Variants in MGMT observed in about 807,000 individuals in gnomAD.
MGMT encodes the protein O-6-methylguanine-DNA methyltransferase.
MGMT carries 14 observed loss-of-function variants against 15.9 expected under a neutral mutation model. The ratio of observed to expected loss-of-function variants is 0.88; its 90% confidence interval spans 0.58 to 1.37. The LOEUF is 1.37. Ranked by LOEUF, MGMT falls within the 40% of genes most tolerant of loss-of-function variation. The pLI is 0.00. For synonymous variants in MGMT, 130 were observed against 118.2 expected, an observed-to-expected ratio of 1.10 and a Z score of -0.65; for missense variants, 282 against 268.1, an observed-to-expected ratio of 1.05 and a Z score of -0.36.
chr10:129,700,050 A>G (rs1342701887), intron 2 of MGMT: 12 of 152,064 alleles, frequency 7.9e-5, no homozygotes, highest in African/African-American at 2.9e-4. Flanking sequence ...TCTTCCTTTC[A>G]TAGTTGAACA....
At position 129,696,552 on chromosome 10, in the gene MGMT, T is replaced by C. The variant is rs1253186017; in HGVS notation, c.126-11343T>C. Reference sequence around the variant, plus strand: ...TTAGAAAATCTTTGTGAGTTTTTCTTCCCCCTAGGGAATGGTTTTCAGCAC... The same window carrying C: ...TTAGAAAATCTTTGTGAGTTTTTCTCCCCCCTAGGGAATGGTTTTCAGCAC... On this transcript the variant is annotated intron_variant, in intron 2 of 4. Transcript: ENST00000651593. Among the ~76,000 whole-genome samples, 4 of 152,216 alleles carry C rather than the reference T, an allele frequency of 2.6e-5. No homozygotes were observed. In the East Asian group the frequency reaches 7.7e-4, roughly 29 times the overall value.
At chr10:129,688,420 T>G (rs1234076638) in intron 2 of MGMT, among the ~76,000 whole-genome samples, 1 of 152,252 alleles carries the variant, frequency 6.6e-6, no homozygotes, top group Non-Finnish European at 1.5e-5. Flanking sequence ...GTGGTTTTGA[T>G]TTGCATTTCT....
rs1054672901 is a variant in MGMT, at chr10:129,533,527, A to G, written c.-12-2714A>G. On this transcript the variant is annotated intron_variant, in intron 1 of 4. Transcript: ENST00000651593. This position sits in a 1 kb window ranked among gnomAD's most constrained non-coding sequence, Gnocchi z 4.5. ...GCCAGTCTGCTGGGAGCTTTGACCC[A>G]CCATCGTGCAGGGCGAGTTTCCAAG... is the stretch of plus-strand genomic sequence containing the variant. 6.6e-6 allele frequency among the ~76,000 whole-genome samples: 1 copy of G among 152,122 alleles called. No homozygotes were observed. Among genetic ancestry groups the G allele is most frequent in the African/African-American group, 2.4e-5 (1 of 41,426 alleles).
intron 3 of MGMT, among the ~76,000 whole-genome samples, chr10:129,741,495 C>G (rs746560657): frequency 6.6e-6 from 1 of 152,064 alleles, no homozygotes; most frequent in Non-Finnish European, 1.5e-5. Context: ...ATGTGGCCCT[C>G]GCACCAAGAA....
intron 2 of MGMT, among the ~76,000 whole-genome samples, chr10:129,571,991 C>T (rs1049098649): frequency 5.9e-5 from 9 of 152,160 alleles, no homozygotes; most frequent in African/African-American, 9.7e-5. Context: ...AGTGACACTC[C>T]GTGGAAGCAT....
chr10:129,518,073 G>A (rs922299374), intron 1 of MGMT, among the ~76,000 whole-genome samples: 5 of 152,002 alleles, frequency 3.3e-5, no homozygotes, highest in African/African-American at 1.2e-4. Context: ...CGTCCTTTGG[G>A]AGGATGTGGG....
chr10:129,475,791 A>G (rs1262210717), intron 1 of MGMT, among the ~76,000 whole-genome samples: 1 of 152,216 alleles, frequency 6.6e-6, no homozygotes, highest in Non-Finnish European at 1.5e-5. Flanking sequence ...CCACTTCTGA[A>G]ATAAGAACTG....
intron 2 of MGMT, among the ~76,000 whole-genome samples, chr10:129,674,520 T>C (rs960250580): frequency 3.3e-5 from 5 of 152,250 alleles, no homozygotes; most frequent in African/African-American, 1.2e-4. Context: ...ACCCCCTTGC[T>C]TATCTTTGAG....
At position 129,495,650 on chromosome 10, in the gene MGMT, G is replaced by A. The variant is rs1405300787; in HGVS notation, c.-13+28354G>A. Among the ~76,000 whole-genome samples, 4 of 152,116 alleles carry A rather than the reference G, an allele frequency of 2.6e-5. No homozygotes were observed. The South Asian group carries it at 6.2e-4, about 24-fold the overall frequency. ...GTTTTGTACAATCATAACCTTACACGATATCACACAAAGGCAGAGAAACGA... is the reference window on the plus strand; with the variant it reads ...GTTTTGTACAATCATAACCTTACACAATATCACACAAAGGCAGAGAAACGA... On this transcript the variant is annotated intron_variant, in intron 1 of 4. Coordinates refer to ENST00000651593, the MANE Select transcript of MGMT (RefSeq NM_002412.5).
chr10:129,566,532 C>T lies in MGMT; in HGVS notation c.125+30155C>T, dbSNP rs951339144. The stretch of plus-strand genomic sequence containing the variant: ...CACTTCCTCCCCGAGCTTCCCATTC[C>T]GTGTCTCTCTGGAGGGCCCATCATC... On this transcript the variant is annotated intron_variant, in intron 2 of 4. Transcript: ENST00000651593. The surrounding 1 kb of genome is among the most constrained non-coding windows in gnomAD (Gnocchi z 4.1). 1.3e-5 allele frequency among the ~76,000 whole-genome samples: 2 copies of T among 152,174 alleles called. No homozygotes were observed. Among genetic ancestry groups the T allele is most frequent in the African/African-American group, 4.8e-5 (2 of 41,446 alleles).
At chr10:129,730,650 T>C (rs545055965) in intron 3 of MGMT, among the ~76,000 whole-genome samples, 4 of 152,186 alleles carry the variant, frequency 2.6e-5, no homozygotes, top group Admixed American at 6.5e-5. Context: ...CAGGGATACC[T>C]TGACTGCGCT....
rs1845958805 is a variant in MGMT at position 129,533,914 on chromosome 10, G to T, written c.-12-2327G>T. Reference sequence around the variant, plus strand: ...AGAATGGGCGGGATGGTGATGATTTGAATGAGACTTGGGGGAGTTGGGGCA... The same window carrying T: ...AGAATGGGCGGGATGGTGATGATTTTAATGAGACTTGGGGGAGTTGGGGCA... On this transcript the variant is annotated intron_variant, in intron 1 of 4. Coordinates refer to ENST00000651593, the MANE Select transcript of MGMT (RefSeq NM_002412.5). This position sits in a 1 kb window ranked among gnomAD's most constrained non-coding sequence, Gnocchi z 4.5. Among the ~76,000 whole-genome samples, 1 of 152,134 alleles carries T rather than the reference G, an allele frequency of 6.6e-6. No individual in the cohort carries two copies. Among genetic ancestry groups the T allele is most frequent in the Non-Finnish European group, 1.5e-5 (1 of 68,028 alleles).
In MGMT at chr10:129,467,278, G is replaced by T. The variant is rs1396917022; in HGVS notation, c.-31G>T. 5 of 1,544,216 alleles carry T rather than the reference G, an allele frequency of 3.2e-6. No individual in the cohort carries two copies. The African/African-American group carries it at 6.9e-5, about 21-fold the overall frequency. ...CCCGACGCCCGCAGGTCCTCGCGGT[G>T]CGCACCGTTTGCGACTTGGTGAGTG... On this transcript the variant is annotated 5_prime_UTR_variant, in exon 1 of 5. Coordinates refer to ENST00000651593, the MANE Select transcript of MGMT (RefSeq NM_002412.5).
chr10:129,761,723 A>T (rs1199641629), intron 4 of MGMT, among the ~76,000 whole-genome samples: 1 of 152,196 alleles, frequency 6.6e-6, no homozygotes, highest in Non-Finnish European at 1.5e-5. Flanking sequence ...GCACAGCATC[A>T]GGCAGGAGGG....
At chr10:129,621,507 A>ATC (rs1342267433) in intron 2 of MGMT, among the ~76,000 whole-genome samples, 1 of 152,194 alleles carries the variant, frequency 6.6e-6, no homozygotes, top group Non-Finnish European at 1.5e-5. Flanking sequence ...CCTTCATCAG[A>ATC]TCTGTGCTAC....
rs1047061375 is a variant in MGMT, at chr10:129,566,242, G to C, written c.125+29865G>C. ...GCTTCTTGGCTGTCTAGGTGCCAGG[G>C]GCTCGGGACACAGAGCTCCTGGAGG... On this transcript the variant is annotated intron_variant, in intron 2 of 4. Transcript: ENST00000651593. This position sits in a 1 kb window ranked among gnomAD's most constrained non-coding sequence, Gnocchi z 4.1. Among the ~76,000 whole-genome samples, 20 of 152,308 alleles carry C rather than the reference G, an allele frequency of 1.3e-4. No individual in the cohort carries two copies. The highest frequency in any genetic ancestry group is 6.8e-3 in the Middle Eastern group (2 of 294).
At chr10:129,641,584 A>G (rs956292776) in intron 2 of MGMT, among the ~76,000 whole-genome samples, 3 of 152,158 alleles carry the variant, frequency 2.0e-5, no homozygotes, top group African/African-American at 7.2e-5. Flanking sequence ...TTTAGTTCGT[A>G]TTTCACAAGA....
intron 1 of MGMT, among the ~76,000 whole-genome samples, chr10:129,527,791 G>A (rs1043098655): frequency 1.3e-5 from 2 of 152,018 alleles, no homozygotes; most frequent in East Asian, 3.9e-4. Flanking sequence ...GGCCCTCACG[G>A]CTCCAGGAGC....
At chr10:129,653,388 A>G (rs1024525007) in intron 2 of MGMT, among the ~76,000 whole-genome samples, 2 of 152,248 alleles carry the variant, frequency 1.3e-5, no homozygotes, top group African/African-American at 4.8e-5. Context: ...TATTGCTAAC[A>G]GTAACTGCTC....
Sources: gnomAD v4.1 joint callset for allele counts (sites outside exome capture counted in the v4.1 genomes callset) on GRCh38, gnomAD v4.1.1 for gene constraint, Gnocchi (gnomAD v3.1) non-coding constraint, MANE v1.5 for transcripts, NCBI Gene and HGNC (gene_info 2026-07-23, HGNC 2026-07-21) for gene names.